LUZP2: variants seen among roughly 807,000 people sequenced by gnomAD.
The protein encoded by LUZP2 is leucine zipper protein 2.
A neutral mutation model predicts 51.6 loss-of-function variants in LUZP2; 52 were observed. The observed-to-expected ratio is 1.01, with a 90% CI of 0.81 to 1.27. The LOEUF (loss-of-function observed/expected upper bound fraction) is 1.27, where lower values mean the gene tolerates loss of function less well. LUZP2 is among the 50% of genes most tolerant of loss of function. The probability of loss-of-function intolerance (pLI) is 0.00; values close to 1 mark genes in which losing one functional copy is unlikely to be tolerated. For synonymous variants in LUZP2, 154 were observed against 137.3 expected, an observed-to-expected ratio of 1.12 and a Z score of -0.85; for missense variants, 436 against 395.4, an observed-to-expected ratio of 1.10 and a Z score of -0.87.
At chr11:25,016,831 GT>G (rs1333697860) in intron 9 of LUZP2, among the ~76,000 whole-genome samples, 1 of 151,968 alleles carries the variant, frequency 6.6e-6, no homozygotes, top group Non-Finnish European at 1.5e-5. Flanking sequence ...TCTACTTTTA[GT>G]TTTTTGAGAA....
At chr11:24,689,800 A>G (rs1857012747) in intron 1 of LUZP2, among the ~76,000 whole-genome samples, 2 of 152,116 alleles carry the variant, frequency 1.3e-5, no homozygotes, top group South Asian at 4.1e-4. Flanking sequence ...TTCTTTCTTA[A>G]GCATTCACTC....
intron 7 of LUZP2, among the ~76,000 whole-genome samples, chr11:24,931,754 T>G (rs1854462468): frequency 6.6e-6 from 1 of 152,226 alleles, no homozygotes; most frequent in African/African-American, 2.4e-5. Context: ...ATTTTTGTCT[T>G]GGTTGAGATC....
intron 6 of LUZP2, 83 bp from the exon 7 acceptor site, chr11:24,914,393 C>A (rs1327678121): frequency 9.8e-7 from 1 of 1,015,636 alleles, no homozygotes; most frequent in Non-Finnish European, 1.5e-6. Flanking sequence ...AAAATGTATT[C>A]CTGTGAAGTC....
chr11:24,999,219 T>C (rs1289303757), intron 9 of LUZP2, among the ~76,000 whole-genome samples: 2 of 152,176 alleles, frequency 1.3e-5, no homozygotes, highest in African/African-American at 4.8e-5. Context: ...CATTTAGTTC[T>C]TTATTGACCT....
chr11:24,558,072 G>A (rs79341295), intron 1 of LUZP2, among the ~76,000 whole-genome samples: 1 of 152,128 alleles, frequency 6.6e-6, no homozygotes, highest in Non-Finnish European at 1.5e-5. Flanking sequence ...GAACAAAAAA[G>A]CAGAGGAAGG....
At chr11:24,962,017 G>A (rs1366143375) in intron 7 of LUZP2, among the ~76,000 whole-genome samples, 1 of 151,538 alleles carries the variant, frequency 6.6e-6, no homozygotes, top group East Asian at 1.9e-4. Context: ...AGCTTAGTTT[G>A]GCTGGATATG....
Position 24,601,002 on chromosome 11 carries a change from T to C in LUZP2, c.62+103697T>C, listed in dbSNP as rs552970599. ...TAATCAGTTCAGTTTAAAAGAAAGA[T>C]ATTATTTAGATGATCTGATTGAACC... On this transcript the variant is annotated intron_variant, in intron 1 of 11. Transcript: ENST00000336930. Among the ~76,000 whole-genome samples, 4 of 152,258 alleles carry C rather than the reference T, an allele frequency of 2.6e-5. 1 individual carries two copies. In the South Asian group the frequency reaches 8.3e-4, roughly 32 times the overall value.
intron 9 of LUZP2, among the ~76,000 whole-genome samples, chr11:25,024,676 C>T (rs1408001456): frequency 6.6e-6 from 1 of 152,080 alleles, no homozygotes; most frequent in Admixed American, 6.6e-5. Context: ...ACATTCCATG[C>T]TCATGGATAG....
intron 1 of LUZP2, among the ~76,000 whole-genome samples, chr11:24,569,917 G>C (rs12285422): frequency 0.41 from 61,708 of 151,540 alleles, 12,965 homozygotes; most frequent in Middle Eastern, 0.51. Context: ...ATGTTTTACC[G>C]TATCCACAAA....
At chr11:24,742,013 T>TACATAAAA (rs1859194090) in intron 4 of LUZP2, among the ~76,000 whole-genome samples, 1 of 134,904 alleles carries the variant, frequency 7.4e-6, no homozygotes, top group African/African-American at 2.8e-5. Context: ...TATATATAAA[T>TACATAAAA]ATAATTATAT....
chr11:24,851,959 G>A (rs1214944566), intron 5 of LUZP2, among the ~76,000 whole-genome samples: 3 of 152,134 alleles, frequency 2.0e-5, no homozygotes, highest in Non-Finnish European at 4.4e-5. Context: ...GGGATCAGTG[G>A]TGATATCTCC....
Position 24,700,028 on chromosome 11 carries a change from C to A in LUZP2, c.63-29141C>A, listed in dbSNP as rs920757652. ...TCCCTCTCCCAAGAAAACTCTTTTT[C>A]AGATTACTCTATGCCTATTTTCCTC... On this transcript the variant is annotated intron_variant, in intron 1 of 11. Transcript: ENST00000336930. Among the ~76,000 whole-genome samples, 5 of 147,002 alleles carry A rather than the reference C, an allele frequency of 3.4e-5. No individual in the cohort carries two copies. The East Asian group carries it at 1.0e-3, about 30-fold the overall frequency.
intron 9 of LUZP2, among the ~76,000 whole-genome samples, chr11:24,998,364 T>C (rs1194564222): frequency 6.6e-6 from 1 of 152,198 alleles, no homozygotes; most frequent in Non-Finnish European, 1.5e-5. Flanking sequence ...TCTTAGGTAT[T>C]TTATTCTCTT....
intron 9 of LUZP2, among the ~76,000 whole-genome samples, chr11:25,047,564 T>C (rs1858352313): frequency 6.6e-6 from 1 of 151,762 alleles, no homozygotes; most frequent in Non-Finnish European, 1.5e-5. Flanking sequence ...CAGAATTCTA[T>C]ATTACATAGA....
In LUZP2 at chr11:24,582,392, T is replaced by G. The variant is rs566413310; in HGVS notation, c.62+85087T>G. On this transcript the variant is annotated intron_variant, in intron 1 of 11. Transcript: ENST00000336930. ...AGATGAATAGAAATAAATAGAGAGATGAATAGAAATAAAAACCTATTAAAG... is the reference window on the plus strand; with the variant it reads ...AGATGAATAGAAATAAATAGAGAGAGGAATAGAAATAAAAACCTATTAAAG... Among the ~76,000 whole-genome samples, 25 of 144,286 alleles carry G rather than the reference T, an allele frequency of 1.7e-4. No individual in the cohort carries two copies. In the South Asian group the frequency reaches 2.6e-3, roughly 15 times the overall value. The allele number at this position is 144,286 out of a possible 152,430, so 94.7% of individuals were successfully genotyped here.
intron 5 of LUZP2, among the ~76,000 whole-genome samples, chr11:24,872,968 A>C (rs998158734): frequency 3.1e-4 from 47 of 152,170 alleles, no homozygotes; most frequent in Admixed American, 2.9e-3. Flanking sequence ...TCTATCAAAT[A>C]AAAATTGAAA....
intron 5 of LUZP2, among the ~76,000 whole-genome samples, chr11:24,814,230 T>C (rs1850106027): frequency 6.6e-6 from 1 of 152,196 alleles, no homozygotes; most frequent in African/African-American, 2.4e-5. Context: ...ATAGTAGAAG[T>C]TGTTTATGTG....
intron 5 of LUZP2, among the ~76,000 whole-genome samples, chr11:24,875,315 A>C (rs564060622): frequency 6.8e-6 from 1 of 147,442 alleles, no homozygotes; most frequent in African/African-American, 2.5e-5. Flanking sequence ...ATGTGTTCTC[A>C]TTGTTCAATT....
chr11:24,881,795 A>C (rs1462344279), intron 5 of LUZP2, among the ~76,000 whole-genome samples: 2 of 152,090 alleles, frequency 1.3e-5, no homozygotes, highest in East Asian at 3.8e-4. Flanking sequence ...AGATTTTATA[A>C]AATTTTTATG....
Sources: allele counts gnomAD v4.1 joint callset (sites outside exome capture counted in the v4.1 genomes callset), GRCh38; gene constraint gnomAD v4.1.1; transcripts MANE v1.5; gene names NCBI Gene and HGNC (gene_info 2026-07-23, HGNC 2026-07-21).